Variants in DCC observed in about 807,000 individuals in gnomAD.
DCC encodes the protein netrin receptor DCC.
In DCC, 58 loss-of-function variants were observed where a neutral mutation model predicts 172.5. The ratio of observed to expected loss-of-function variants is 0.34; its 90% CI spans 0.27 to 0.42. The LOEUF (loss-of-function observed/expected upper bound fraction) is 0.42, where lower values mean the gene tolerates loss of function less well. DCC is among the 10% of genes least tolerant of loss of function. The probability of loss-of-function intolerance (pLI) is 1.00; values close to 1 mark genes in which losing one functional copy is unlikely to be tolerated. For missense variants in DCC, 1,740 were observed against 1,791.0 expected (o/e 0.97, Z 0.51); for synonymous variants, 709 against 644.5 (o/e 1.10, Z -1.52).
intron 2 of DCC, among the ~76,000 whole-genome samples, chr18:52,867,389 C>T (rs1160825825): frequency 6.6e-6 from 1 of 152,124 alleles, no homozygotes; most frequent in Non-Finnish European, 1.5e-5. Flanking sequence ...TGATGCTGGC[C>T]TCATAAAATG....
intron 5 of DCC, among the ~76,000 whole-genome samples, chr18:52,988,211 A>G (rs1599002713): frequency 6.6e-6 from 1 of 152,308 alleles, no homozygotes; most frequent in East Asian, 1.9e-4. Context: ...CAGGTTGGAA[A>G]ACATCAGAGG....
At chr18:52,898,966 G>A (rs12326910) in intron 2 of DCC, among the ~76,000 whole-genome samples, 7,528 of 152,134 alleles carry the variant, frequency 0.049, 237 homozygotes, top group Non-Finnish European at 0.069. Flanking sequence ...CATTCAAAAC[G>A]TCTACTGATT....
At chr18:52,433,567 C>T (rs1005289743) in intron 1 of DCC, among the ~76,000 whole-genome samples, 2 of 152,098 alleles carry the variant, frequency 1.3e-5, no homozygotes, top group Admixed American at 6.5e-5. Flanking sequence ...GTCATCATGA[C>T]AGAAACACAT....
chr18:52,886,635 G>A (rs1263017207), intron 2 of DCC, among the ~76,000 whole-genome samples: 1 of 152,170 alleles, frequency 6.6e-6, no homozygotes, highest in Admixed American at 6.5e-5. Context: ...AGGGGGGTCA[G>A]ACAAAACCTC....
At chr18:53,003,754 A>G (rs1379926953) in intron 5 of DCC, among the ~76,000 whole-genome samples, 1 of 152,056 alleles carries the variant, frequency 6.6e-6, no homozygotes, top group African/African-American at 2.4e-5. Context: ...ACGAATCTCA[A>G]AAACAAGTTT....
chr18:52,681,911 G>T (rs2035756374), intron 1 of DCC, among the ~76,000 whole-genome samples: 1 of 151,968 alleles, frequency 6.6e-6, no homozygotes, highest in Non-Finnish European at 1.5e-5. Flanking sequence ...AAAAAATGCT[G>T]CAATTATAAT....
chr18:52,710,310 G>T (rs1368068192), intron 1 of DCC, among the ~76,000 whole-genome samples: 1 of 152,232 alleles, frequency 6.6e-6, no homozygotes, highest in African/African-American at 2.4e-5. Context: ...ATGATGAGCT[G>T]CAGTGAGCTA....
chr18:52,492,611 G>C (rs1032746241), intron 1 of DCC, among the ~76,000 whole-genome samples: 1 of 151,816 alleles, frequency 6.6e-6, no homozygotes, highest in South Asian at 2.1e-4. Context: ...AAGAAAAATA[G>C]GGAAGTGGAT....
intron 6 of DCC, among the ~76,000 whole-genome samples, chr18:53,064,484 A>G (rs1478155739): frequency 1.3e-5 from 2 of 152,164 alleles, no homozygotes; most frequent in Non-Finnish European, 2.9e-5. Context: ...ACTAGAGCAT[A>G]GTCATCCTAT....
At chr18:52,473,906 C>T (rs1487998320) in intron 1 of DCC, among the ~76,000 whole-genome samples, 4 of 152,172 alleles carry the variant, frequency 2.6e-5, no homozygotes, top group Non-Finnish European at 4.4e-5. Flanking sequence ...AATGGAAACT[C>T]CACCAAAGCC....
At chr18:53,455,288 G>A (rs774534012) in intron 23 of DCC, among the ~76,000 whole-genome samples, 2 of 152,120 alleles carry the variant, frequency 1.3e-5, no homozygotes, top group East Asian at 1.9e-4. Context: ...TTTAGCAGAC[G>A]ATGCCTGAGT....
At chr18:53,110,468 G>GC (rs989041727) in intron 7 of DCC, among the ~76,000 whole-genome samples, 42 of 151,814 alleles carry the variant, frequency 2.8e-4, no homozygotes, top group African/African-American at 9.2e-4. Flanking sequence ...GAGGGCTTTT[G>GC]CCACTTTGGT....
intron 27 of DCC, among the ~76,000 whole-genome samples, chr18:53,521,378 A>G (rs1163438590): frequency 6.6e-6 from 1 of 152,126 alleles, no homozygotes; most frequent in Non-Finnish European, 1.5e-5. Context: ...TTGATGCAGT[A>G]TGATACACAT....
intron 22 of DCC, among the ~76,000 whole-genome samples, chr18:53,437,828 C>T (rs1259073025): frequency 2.6e-5 from 4 of 152,106 alleles, no homozygotes; most frequent in African/African-American, 4.8e-5. Flanking sequence ...AAGCCCTCAG[C>T]GAGTGCAGGG....
intron 15 of DCC, among the ~76,000 whole-genome samples, chr18:53,350,026 G>A (rs1249550559): frequency 6.6e-6 from 1 of 151,768 alleles, no homozygotes; most frequent in East Asian, 1.9e-4. Flanking sequence ...CTTAAACAAT[G>A]GAAAAGATAA....
chr18:52,501,209 G>T (rs2031004351), intron 1 of DCC, among the ~76,000 whole-genome samples: 1 of 152,112 alleles, frequency 6.6e-6, no homozygotes, highest in Non-Finnish European at 1.5e-5. Context: ...CTGCTGAAAT[G>T]ATAAGCAACA....
At chr18:52,988,753 C>CT in intron 5 of DCC, among the ~76,000 whole-genome samples, 1 of 151,790 alleles carries the variant, frequency 6.6e-6, no homozygotes, top group South Asian at 2.1e-4. Flanking sequence ...TTGCTGTAAC[C>CT]TTTATATATG....
At chr18:53,079,415 A>G (rs1307632520) in intron 7 of DCC, among the ~76,000 whole-genome samples, 1 of 152,150 alleles carries the variant, frequency 6.6e-6, no homozygotes, top group Non-Finnish European at 1.5e-5. Context: ...GGGAAATTCA[A>G]CTGATAAAAA....
chr18:52,677,691 T>C (rs4940204), intron 1 of DCC, among the ~76,000 whole-genome samples: 64,075 of 151,836 alleles, frequency 0.42, 13,863 homozygotes, highest in Non-Finnish European at 0.49. Flanking sequence ...TTTTCCTTTT[T>C]TTCCTGTTTC....
Sources: gnomAD v4.1 joint callset for allele counts (sites outside exome capture counted in the v4.1 genomes callset) on GRCh38, gnomAD v4.1.1 for gene constraint, MANE v1.5 for transcripts, NCBI Gene and HGNC (gene_info 2026-07-23, HGNC 2026-07-21) for gene names.